Variants in RASGEF1B observed in about 807,000 individuals in gnomAD.
RASGEF1B encodes the protein RasGEF domain family member 1B, also known as ras-GEF domain-containing family member 1B.
RASGEF1B carries 30 observed loss-of-function variants against 65.7 expected under a neutral mutation model. That is an observed-to-expected ratio of 0.46 (90% confidence interval 0.34 to 0.62). The LOEUF is 0.62. Ranked by LOEUF, RASGEF1B falls within the 20% of genes least tolerant of loss-of-function variation. The pLI, the probability that RASGEF1B is intolerant of heterozygous loss-of-function variation, is 0.01. For synonymous variants in RASGEF1B, 175 were observed against 194.8 expected, an observed-to-expected ratio of 0.90 and a Z score of 0.85; for missense variants, 495 against 580.1, an observed-to-expected ratio of 0.85 and a Z score of 1.51.
chr4:81,440,483 A>G (rs894661477), intron 10 of RASGEF1B, among the ~76,000 whole-genome samples: 9 of 152,336 alleles, frequency 5.9e-5, no homozygotes, highest in Non-Finnish European at 1.2e-4. Flanking sequence ...TAAGTCGGCT[A>G]CCTTGTGCAG....
At chr4:81,445,956 C>T (rs1260376019) in intron 6 of RASGEF1B, 118 bp from the exon 7 acceptor site, 3 of 693,754 alleles carry the variant, frequency 4.3e-6, no homozygotes, top group Middle Eastern at 5.7e-4. Flanking sequence ...CTTTTGAGAA[C>T]AACAGAAAGA....
intron 5 of RASGEF1B, 101 bp from the exon 6 acceptor site, chr4:81,447,679 T>A: frequency 1.2e-6 from 1 of 865,588 alleles, no homozygotes; most frequent in East Asian, 2.5e-5. Context: ...CATTTTTTAA[T>A]GAAGATTATA....
rs927195642 is a variant in RASGEF1B at position 81,446,241 on chromosome 4, T to C, written c.730-403A>G. On this transcript the variant is annotated intron_variant, in intron 6 of 13. Transcript: ENST00000264400. Reference sequence around the variant, plus strand: ...TATACAAAAAATTAGCTGGGCATGGTGGCAGGTGCCTGTAATCCCAGCTAC... The same window carrying C: ...TATACAAAAAATTAGCTGGGCATGGCGGCAGGTGCCTGTAATCCCAGCTAC... 2.6e-5 allele frequency among the ~76,000 whole-genome samples: 4 copies of C among 152,228 alleles called. No homozygotes were observed. The East Asian group carries it at 7.7e-4, about 29-fold the overall frequency.
chr4:81,437,766 C>T (rs929923652), intron 10 of RASGEF1B, among the ~76,000 whole-genome samples: 2 of 152,144 alleles, frequency 1.3e-5, no homozygotes, highest in African/African-American at 4.8e-5. Flanking sequence ...GTTCCTTATG[C>T]CTGCATGCAA....
intron 1 of RASGEF1B, among the ~76,000 whole-genome samples, chr4:81,460,795 C>A (rs1265580684): frequency 6.6e-6 from 1 of 152,188 alleles, no homozygotes; most frequent in African/African-American, 2.4e-5. Flanking sequence ...GAGATAAAAA[C>A]CAACTTCATT....
chr4:81,464,461 A>G (rs1352339869), intron 1 of RASGEF1B, among the ~76,000 whole-genome samples: 1 of 152,212 alleles, frequency 6.6e-6, no homozygotes, highest in African/African-American at 2.4e-5. Flanking sequence ...AATAATACAT[A>G]AAGCAGAGAG....
chr4:81,450,366 TTGACTGATTGAC>T (rs1421791850), intron 4 of RASGEF1B, among the ~76,000 whole-genome samples: 2 of 145,956 alleles, frequency 1.4e-5, no homozygotes, highest in Admixed American at 6.6e-5. Flanking sequence ...TATATATTGA[TTGACTGATTGAC>T]TGACTGAGAC....
At chr4:81,463,509 T>A in intron 1 of RASGEF1B, among the ~76,000 whole-genome samples, 1 of 152,144 alleles carries the variant, frequency 6.6e-6, no homozygotes, top group East Asian at 1.9e-4. Context: ...GCAAAAAAAA[T>A]TTAATGAAAG....
At chr4:81,441,010 C>T (rs1721815355) in intron 9 of RASGEF1B, 81 bp from the exon 10 acceptor site, 1 of 916,606 alleles carries the variant, frequency 1.1e-6, no homozygotes, top group Admixed American at 2.1e-5. Context: ...ACATATTTAG[C>T]TATATACAAA....
chr4:81,468,764 C>T (rs1441073974), intron 1 of RASGEF1B, among the ~76,000 whole-genome samples: 1 of 152,150 alleles, frequency 6.6e-6, no homozygotes, highest in Non-Finnish European at 1.5e-5. Context: ...ATCACTTGTC[C>T]CTTCATTAGT....
Position 81,427,298 on chromosome 4 carries a change from G to C in RASGEF1B, c.*470C>G, listed in dbSNP as rs1721260245. 1 of 156,020 alleles carries C rather than the reference G, an allele frequency of 6.4e-6. No individual in the cohort carries two copies. The allele number at this position is 156,020 out of a possible 1,614,324, so 9.7% of individuals were successfully genotyped here. On this transcript the variant is annotated 3_prime_UTR_variant, in exon 14 of 14. Coordinates refer to ENST00000264400, the MANE Select transcript of RASGEF1B (RefSeq NM_152545.3). ...AGCTAAGGTTTGGGATCTAAACGGG[G>C]GGGTTTTAGATCCCCTCCCTCCACT... is the stretch of plus-strand genomic sequence containing the variant.
chr4:81,459,188 C>T, intron 2 of RASGEF1B, 144 bp downstream of exon 2: 1 of 654,050 alleles, frequency 1.5e-6, no homozygotes, highest in African/African-American at 1.8e-5. Flanking sequence ...GATTTCAATG[C>T]ACTTGATAAT....
intron 1 of RASGEF1B, among the ~76,000 whole-genome samples, chr4:81,469,656 C>T (rs556453651): frequency 4.9e-4 from 41 of 83,228 alleles, no homozygotes; most frequent in Middle Eastern, 7.2e-3. Context: ...TGTATATATA[C>T]ACACACACAC....
At chr4:81,457,209 G>T (rs987898137) in intron 3 of RASGEF1B, among the ~76,000 whole-genome samples, 5 of 152,070 alleles carry the variant, frequency 3.3e-5, no homozygotes, top group African/African-American at 9.7e-5. Context: ...TAGAGGTGGG[G>T]TTTCACACGT....
intron 4 of RASGEF1B, chr4:81,452,247 A>C (rs1211690810): frequency 6.6e-6 from 1 of 152,338 alleles, no homozygotes; most frequent in Non-Finnish European, 1.5e-5. Context: ...AGTAGCTGGG[A>C]TTATAGGCAT....
At chr4:81,447,772 A>G (rs1722086328) in intron 5 of RASGEF1B, among the ~76,000 whole-genome samples, 194 bp from the exon 6 acceptor site, 1 of 152,154 alleles carries the variant, frequency 6.6e-6, no homozygotes, top group South Asian at 2.1e-4. Context: ...ATGTTCCACA[A>G]GATAGTGAAA....
intron 1 of RASGEF1B, among the ~76,000 whole-genome samples, chr4:81,470,377 A>T (rs1311516541): frequency 1.3e-5 from 2 of 152,192 alleles, no homozygotes; most frequent in Non-Finnish European, 2.9e-5. Flanking sequence ...TATGTTTTAA[A>T]TTAAGGCATA....
chr4:81,459,592 T>A, intron 1 of RASGEF1B, 78 bp from the exon 2 acceptor site: 2 of 1,042,600 alleles, frequency 1.9e-6, no homozygotes, highest in East Asian at 5.0e-5. Flanking sequence ...TAATAGGCAC[T>A]AAGATTTAAT....
In RASGEF1B at chr4:81,432,324, C is replaced by G; in HGVS notation, c.1372G>C (p.Glu458Gln). 1 of 1,609,794 alleles carries G rather than the reference C, an allele frequency of 6.2e-7. No individual in the cohort carries two copies. The highest frequency in any genetic ancestry group is 8.5e-7 in the Non-Finnish European group (1 of 1,176,452). ...CTTAAAGACTTCCATCTGTCTTTCT[C>G]TATATGATTTTCAGGTCCTTCACTC... ...YESEGPENHI[E>Q]KDRWKSLRSS... Residue 458 changes from glutamate to glutamine, a missense_variant, in exon 13 of 14, where the codon GAG (glutamate) becomes CAG (glutamine). Glu to Gln is a conservative substitution (Grantham distance 29). Coordinates refer to ENST00000264400, the MANE Select transcript of RASGEF1B (RefSeq NM_152545.3).
Sources: gnomAD v4.1 joint callset for allele counts (sites outside exome capture counted in the v4.1 genomes callset) on GRCh38, gnomAD v4.1.1 for gene constraint, MANE v1.5 for transcripts, NCBI Gene and HGNC (gene_info 2026-07-23, HGNC 2026-07-21) for gene names.